The following SYCE1L variants were observed in gnomAD, a reference collection of about 807,000 sequenced individuals.
The protein encoded by SYCE1L is synaptonemal complex central element protein 1 like.
SYCE1L carries 51 observed loss-of-function variants against 39.6 expected under a neutral mutation model. The observed-to-expected ratio is 1.29, with a 90% CI of 1.03 to 1.63. The LOEUF (loss-of-function observed/expected upper bound fraction) is 1.63, where lower values mean the gene tolerates loss of function less well. Among genes scored for constraint, SYCE1L ranks in the 40% most tolerant of loss-of-function variants. The pLI, the probability that SYCE1L is intolerant of heterozygous loss-of-function variation, is 0.00. For missense variants in SYCE1L, 426 were observed against 304.9 expected (o/e 1.40, Z -2.96); for synonymous variants, 147 against 122.4 (o/e 1.20, Z -1.33).
chr16:77,204,752 A>G (rs2142513961), intron 1 of SYCE1L, among the ~76,000 whole-genome samples: 1 of 152,182 alleles, frequency 6.6e-6, no homozygotes. Flanking sequence ...TACATAGAAA[A>G]TGTGGGATGT....
intron 1 of SYCE1L, chr16:77,201,179 A>T (rs2054738546): frequency 6.6e-6 from 1 of 152,228 alleles, no homozygotes; most frequent in Non-Finnish European, 1.5e-5. Context: ...GTGACCAATG[A>T]AATAACTTCA....
chr16:77,212,423 A>T lies in SYCE1L; in HGVS notation c.581+54A>T, dbSNP rs922336183. On this transcript the variant is annotated intron_variant, in intron 9 of 10. Coordinates refer to ENST00000378644, the MANE Select transcript of SYCE1L (RefSeq NM_001129979.3). The stretch of plus-strand genomic sequence containing the variant: ...GAGGGCAGGGGCAGGGCGGAGGGGA[A>T]CCCGCCCAGGTCCCCCGCTCCGCCC... 2.0e-6 allele frequency: 3 copies of T among 1,527,718 alleles called. No individual in the cohort carries two copies. The African/African-American group carries it at 4.2e-5, about 21-fold the overall frequency. The allele number at this position is 1,527,718 out of a possible 1,614,324, so 94.6% of individuals were successfully genotyped here.
chr16:77,208,404 CGAGAG>C, intron 3 of SYCE1L, 56 bp from the exon 4 acceptor site: 1 of 1,546,202 alleles, frequency 6.5e-7, no homozygotes, highest in Non-Finnish European at 8.7e-7. Context: ...GTCATATTTG[CGAGAG>C]AACAGCAAGG....
intron 2 of SYCE1L, among the ~76,000 whole-genome samples, chr16:77,207,182 G>A (rs2142516385): frequency 6.6e-6 from 1 of 152,312 alleles, no homozygotes; most frequent in South Asian, 2.1e-4. Flanking sequence ...AGAGATTTCT[G>A]TCAGTCATAA....
At chr16:77,205,289 T>C (rs1414637080) in intron 1 of SYCE1L, among the ~76,000 whole-genome samples, 1 of 151,670 alleles carries the variant, frequency 6.6e-6, no homozygotes, top group Non-Finnish European at 1.5e-5. Flanking sequence ...CAGTTTTCCT[T>C]AGAGAGGCGT....
At chr16:77,200,291 T>TATATATATATATATATATATATATACAC in intron 1 of SYCE1L, 66 of 111,354 alleles carry the variant, frequency 5.9e-4, no homozygotes, top group African/African-American at 1.0e-3. Flanking sequence ...TATATATATA[T>TATATATATATATATATATATATATACAC]ACACACACTA....
At chr16:77,199,869 A>G (rs1489306475) in intron 1 of SYCE1L, 3 of 193,086 alleles carry the variant, frequency 1.6e-5, no homozygotes, top group Non-Finnish European at 3.2e-5. Flanking sequence ...CAGTGTCGCC[A>G]TTTCACACCT....
intron 1 of SYCE1L, among the ~76,000 whole-genome samples, chr16:77,203,370 A>T (rs937238342): frequency 6.6e-6 from 1 of 152,134 alleles, no homozygotes; most frequent in Non-Finnish European, 1.5e-5. Flanking sequence ...TAATTTAAAA[A>T]TTAAAATGCA....
chr16:77,209,622 C>G (rs563894651), intron 6 of SYCE1L, among the ~76,000 whole-genome samples, 151 bp downstream of exon 6: 1 of 152,344 alleles, frequency 6.6e-6, no homozygotes, highest in Admixed American at 6.5e-5. Context: ...TTGGTTATCT[C>G]TGATATTAAA....
intron 4 of SYCE1L, among the ~76,000 whole-genome samples, chr16:77,208,778 G>A (rs541179045): frequency 6.6e-6 from 1 of 152,256 alleles, no homozygotes; most frequent in African/African-American, 2.4e-5. Context: ...CACGCCCCTG[G>A]CTGATTTGTT....
rs570787900 is a variant in SYCE1L at position 77,202,949 on chromosome 16, T to G, written c.61+3437T>G. Among the ~76,000 whole-genome samples the G allele has an allele frequency of 4.0e-5, 5 of 126,562 alleles. No individual in the cohort carries two copies. In the South Asian group the frequency reaches 1.4e-3, roughly 35 times the overall value. The allele number at this position is 126,562 out of a possible 152,430, so 83.0% of individuals were successfully genotyped here. A position where few individuals can be genotyped will look rare whatever the true frequency, so the allele number is the denominator to read the frequency against. On this transcript the variant is annotated intron_variant, in intron 1 of 10. Coordinates refer to ENST00000378644, the MANE Select transcript of SYCE1L (RefSeq NM_001129979.3). ...TAAAATAATCACAAACACCTCCCCT[T>G]GTTATTAAAGTAGCTTTACTTTTTT...
Position 77,213,091 on chromosome 16 carries a change from T to A in SYCE1L, c.*160T>A, listed in dbSNP as rs7203616. ...CGAGGCGGGGCCTCTGCCGGACCCC[T>A]CCCACCAGTCGAGCCCCGGGCGCCG... On this transcript the variant is annotated 3_prime_UTR_variant, in exon 11 of 11. Coordinates refer to ENST00000378644, the MANE Select transcript of SYCE1L (RefSeq NM_001129979.3). The A allele has an allele frequency of 2.9e-6, 2 of 685,368 alleles. No homozygotes were observed. The highest frequency in any genetic ancestry group is 4.2e-6 in the Non-Finnish European group (2 of 472,832). 42.5% of individuals were successfully genotyped at this position (685,368 alleles called of 1,614,324 possible). A position where few individuals can be genotyped will look rare whatever the true frequency, so the allele number is the denominator to read the frequency against.
chr16:77,210,549 T>C (rs1264051859), intron 6 of SYCE1L, among the ~76,000 whole-genome samples: 2 of 152,006 alleles, frequency 1.3e-5, no homozygotes, highest in African/African-American at 2.4e-5. Context: ...CACCCTCCCA[T>C]CACTACCACC....
chr16:77,209,321 CCCTCCAATG>C, intron 5 of SYCE1L, 87 bp from the exon 6 acceptor site: 1 of 1,404,824 alleles, frequency 7.1e-7, no homozygotes, highest in Non-Finnish European at 9.9e-7. Context: ...CCTCACAGTG[CCCTCCAATG>C]CCTGACATGA....
rs1444047643 is a variant in SYCE1L, at chr16:77,212,605, C to T, written c.613C>T (p.Gln205Ter). 2.6e-6 allele frequency: 4 copies of T among 1,536,028 alleles called. No individual in the cohort carries two copies. The highest frequency in any genetic ancestry group is 3.5e-6 in the Non-Finnish European group (4 of 1,146,434). The change falls in exon 10 of 11, where the codon CAG becomes TAG. Residue 205 changes from glutamine to a stop codon, truncating the protein, a stop_gained. Transcript: ENST00000378644. LOFTEE classifies it low-confidence loss of function (END_TRUNC). The stretch of plus-strand genomic sequence containing the variant: ...GGCGGAGCTGGAGATATTCGGGGAG[C>T]AGGTCCGGAGCGCCCCCGAGGTCGG... Reference protein sequence around the residue: ...LKAELEIFGEQVRSAPEVGAG... With the variant: ...LKAELEIFGE
chr16:77,199,813 C>T (rs902658503), intron 1 of SYCE1L: 7 of 274,420 alleles, frequency 2.6e-5, no homozygotes, highest in Non-Finnish European at 4.8e-5. Context: ...GGGATGTTCT[C>T]ATAACAATCA....
chr16:77,209,352 T>A, intron 5 of SYCE1L, 65 bp from the exon 6 acceptor site: 1 of 1,526,696 alleles, frequency 6.6e-7, no homozygotes, highest in South Asian at 1.2e-5. Context: ...GTGGGGCCTA[T>A]TACCTCTGGC....
chr16:77,209,998 A>G (rs984398143), intron 6 of SYCE1L, among the ~76,000 whole-genome samples: 3 of 152,100 alleles, frequency 2.0e-5, no homozygotes, highest in African/African-American at 7.2e-5. Flanking sequence ...TTAGCCAAAC[A>G]TCCATCCAGA....
intron 2 of SYCE1L, 107 bp downstream of exon 2, chr16:77,206,607 C>G (rs2054787461): frequency 2.9e-6 from 3 of 1,038,694 alleles, no homozygotes; most frequent in East Asian, 2.6e-5. Context: ...TATCCCATTG[C>G]ACTTTCTCCC....
Sources: allele counts gnomAD v4.1 joint callset (sites outside exome capture counted in the v4.1 genomes callset), GRCh38; gene constraint gnomAD v4.1.1; transcripts MANE v1.5; gene names NCBI Gene and HGNC (gene_info 2026-07-23, HGNC 2026-07-21).